The following BMP1 variants were observed in gnomAD, a reference collection of about 807,000 sequenced individuals.
The protein encoded by BMP1 is mammalian tolloid protein.
In BMP1, 63 loss-of-function variants were observed where a neutral mutation model predicts 116.8. The ratio of observed to expected loss-of-function variants is 0.54; its 90% confidence interval spans 0.44 to 0.67. BMP1 has a LOEUF of 0.67. Among genes scored for constraint, BMP1 ranks in the 30% least tolerant of loss-of-function variants. The probability of loss-of-function intolerance (pLI) is 0.00; values close to 1 mark genes in which losing one functional copy is unlikely to be tolerated. For missense variants in BMP1, 1,183 were observed against 1,358.9 expected, an observed-to-expected ratio of 0.87 and a Z score of 2.04; for synonymous variants, 536 against 533.4, an observed-to-expected ratio of 1.00 and a Z score of -0.07.
At chr8:22,177,821 TC>T in intron 5 of BMP1, 30 bp from the exon 6 acceptor site, 1 of 1,467,724 alleles carries the variant, frequency 6.8e-7, no homozygotes, top group Non-Finnish European at 9.5e-7. Flanking sequence ...CCCCCTCCTC[TC>T]CCCCCACACC....
At chr8:22,192,244 C>A in intron 9 of BMP1, 93 bp downstream of exon 9, 1 of 1,150,286 alleles carries the variant, frequency 8.7e-7, no homozygotes, top group Non-Finnish European at 1.3e-6. Context: ...GGGCCCAACA[C>A]TGGCCAGGGA....
chr8:22,177,218 G>A (rs1380168959), intron 5 of BMP1, 79 bp downstream of exon 5: 2 of 1,415,100 alleles, frequency 1.4e-6, no homozygotes, highest in Non-Finnish European at 1.9e-6. Flanking sequence ...TGGGGGCAGT[G>A]GCAGCCGCTC....
chr8:22,211,087 C>T (rs1391933461), intron 19 of BMP1, among the ~76,000 whole-genome samples: 2 of 152,152 alleles, frequency 1.3e-5, no homozygotes, highest in Non-Finnish European at 2.9e-5. Context: ...GAGTCCAGGC[C>T]TGGGGGGCAC....
chr8:22,167,461 G>C (rs1026916236), intron 1 of BMP1, among the ~76,000 whole-genome samples: 4 of 151,532 alleles, frequency 2.6e-5, no homozygotes, highest in African/African-American at 9.7e-5. Flanking sequence ...GAGAAGGTCT[G>C]GGGGGGTCTT....
chr8:22,202,982 C>T (rs1259602265), intron 16 of BMP1, among the ~76,000 whole-genome samples: 1 of 152,148 alleles, frequency 6.6e-6, no homozygotes, highest in African/African-American at 2.4e-5. Flanking sequence ...TGTACTCCAG[C>T]CTGGGTGACA....
At chr8:22,201,707 G>T (rs955599161) in intron 15 of BMP1, 96 bp from the exon 16 acceptor site, 98 of 1,559,552 alleles carry the variant, frequency 6.3e-5, no homozygotes, top group Non-Finnish European at 8.1e-5. Flanking sequence ...CTCTGTCCCG[G>T]TGGGAGAAAG....
intron 13 of BMP1, chr8:22,196,064 C>T (rs1829075710): frequency 2.6e-6 from 1 of 389,122 alleles, no homozygotes; most frequent in Non-Finnish European, 5.2e-6. Context: ...ACACACTGTC[C>T]CCCCGTAGGC....
chr8:22,196,308 C>T (rs916878450), intron 13 of BMP1: 4 of 561,660 alleles, frequency 7.1e-6, no homozygotes, highest in African/African-American at 3.7e-5. Context: ...CTAGGCCGAT[C>T]CTGCTGTGCC....
At chr8:22,189,038 T>C (rs1398043900) in intron 8 of BMP1, among the ~76,000 whole-genome samples, 2 of 152,202 alleles carry the variant, frequency 1.3e-5, no homozygotes, top group Non-Finnish European at 2.9e-5. Flanking sequence ...TTGTTAGATA[T>C]ACAAATAACA....
intron 15 of BMP1, chr8:22,199,175 C>T (rs750633560): frequency 3.2e-5 from 44 of 1,367,576 alleles, no homozygotes; most frequent in East Asian, 4.5e-5. Flanking sequence ...ACACATTGCC[C>T]CATCGCACAA....
intron 15 of BMP1, chr8:22,198,792 C>A: frequency 2.8e-6 from 1 of 351,964 alleles, no homozygotes; most frequent in Non-Finnish European, 4.4e-6. Context: ...TTGGCACTGC[C>A]AGCCACCCTG....
chr8:22,174,759 A>G (rs1010652798), intron 2 of BMP1, among the ~76,000 whole-genome samples: 3 of 151,038 alleles, frequency 2.0e-5, no homozygotes, highest in African/African-American at 4.9e-5. Context: ...CAGCCTCCCA[A>G]GTAGCTGGGA....
In BMP1 at chr8:22,194,023, G is replaced by T. The variant is rs1048330819; in HGVS notation, c.1181-35G>T. On this transcript the variant is annotated intron_variant, in intron 9 of 19. Transcript: ENST00000306385. The surrounding 1 kb of genome is among the most constrained non-coding windows in gnomAD (Gnocchi z 4.5). ...GGGCCTCTATAGGGGGTGTCCTCAG[G>T]GTTCACCACTCTTCCATCCACACTG... 1.3e-6 allele frequency: 2 copies of T among 1,568,606 alleles called. No individual in the cohort carries two copies. Among genetic ancestry groups the T allele is most frequent in the Non-Finnish European group, 1.8e-6 (2 of 1,138,856 alleles).
chr8:22,187,237 C>T (rs1158979035), intron 8 of BMP1, among the ~76,000 whole-genome samples: 1 of 152,004 alleles, frequency 6.6e-6, no homozygotes, highest in Admixed American at 6.6e-5. Flanking sequence ...GTGATCTGCC[C>T]GCCTGGGCCT....
intron 18 of BMP1, among the ~76,000 whole-genome samples, chr8:22,208,217 A>G (rs934580264): frequency 1.3e-5 from 2 of 152,212 alleles, no homozygotes; most frequent in African/African-American, 2.4e-5. Context: ...TGTAACATGG[A>G]TGAGGCGGCA....
chr8:22,186,735 A>T (rs541093832), intron 8 of BMP1, among the ~76,000 whole-genome samples: 1 of 152,186 alleles, frequency 6.6e-6, no homozygotes, highest in Admixed American at 6.5e-5. Flanking sequence ...AAGTGCTGGG[A>T]TTACAGGCGT....
chr8:22,200,582 G>C (rs986062235), intron 15 of BMP1, among the ~76,000 whole-genome samples: 1 of 152,198 alleles, frequency 6.6e-6, no homozygotes, highest in Admixed American at 6.5e-5. Context: ...GTCTGTGCGT[G>C]TGTGGGTAGT....
intron 8 of BMP1, among the ~76,000 whole-genome samples, chr8:22,184,035 G>A (rs1178695966): frequency 6.6e-6 from 1 of 152,166 alleles, no homozygotes; most frequent in East Asian, 1.9e-4. Context: ...CACAAGAGTT[G>A]GTGATTTCAA....
In BMP1 at chr8:22,200,551, TATTGGAG is replaced by T. The variant is rs535275832; in HGVS notation, c.2108-1244_2108-1238del. The stretch of plus-strand genomic sequence containing the variant: ...TGTCTGTATCTGCATTTGCATGGTG[TATTGGAG>T]ATTGGAGCTGTGTGTCTGTGCGTGT... On this transcript the variant is annotated intron_variant, in intron 15 of 19. Transcript: ENST00000306385. 5.6e-4 allele frequency among the ~76,000 whole-genome samples: 86 copies of T among 152,274 alleles called. 1 individual carries two copies. Among genetic ancestry groups the T allele is most frequent in the South Asian group, 2.7e-3 (13 of 4,826 alleles).
Sources: allele counts gnomAD v4.1 joint callset (sites outside exome capture counted in the v4.1 genomes callset), GRCh38; gene constraint gnomAD v4.1.1; non-coding constraint Gnocchi (gnomAD v3.1); transcripts MANE v1.5; gene names NCBI Gene and HGNC (gene_info 2026-07-23, HGNC 2026-07-21).